The following GRIK1 variants were observed in gnomAD, a reference collection of about 807,000 sequenced individuals.
GRIK1 encodes the protein glutamate receptor ionotropic, kainate 1.
A neutral mutation model predicts 105.7 loss-of-function variants in GRIK1; 69 were observed. The ratio of observed to expected loss-of-function variants is 0.65; its 90% CI spans 0.54 to 0.80. The LOEUF is 0.80. GRIK1 is among the 30% of genes least tolerant of loss of function. The probability of loss-of-function intolerance (pLI) is 0.00; values close to 1 mark genes in which losing one functional copy is unlikely to be tolerated. For synonymous variants in GRIK1, 438 were observed against 431.3 expected (o/e 1.02, Z -0.19); for missense variants, 1,109 against 1,167.3 (o/e 0.95, Z 0.73).
chr21:29,791,566 C>T (rs556923924), intron 1 of GRIK1, among the ~76,000 whole-genome samples: 63 of 152,122 alleles, frequency 4.1e-4, no homozygotes, highest in African/African-American at 1.3e-3. Flanking sequence ...AAATAGTCCA[C>T]GCATGATGTT....
At chr21:29,885,413 G>A (rs982998755) in intron 1 of GRIK1, among the ~76,000 whole-genome samples, 8 of 151,946 alleles carry the variant, frequency 5.3e-5, no homozygotes, top group South Asian at 2.1e-4. Context: ...TTTTCTTAAC[G>A]TAAGAAAAAT....
chr21:29,780,328 C>T (rs2066059790), intron 1 of GRIK1, among the ~76,000 whole-genome samples: 1 of 152,064 alleles, frequency 6.6e-6, no homozygotes, highest in Non-Finnish European at 1.5e-5. Context: ...CTAAATTTAC[C>T]CATCTTGGAC....
At chr21:29,873,158 G>T (rs1215454681) in intron 1 of GRIK1, among the ~76,000 whole-genome samples, 1 of 152,176 alleles carries the variant, frequency 6.6e-6, no homozygotes, top group Non-Finnish European at 1.5e-5. Context: ...CTCATAGTTT[G>T]TTTCCTGAAA....
intron 1 of GRIK1, among the ~76,000 whole-genome samples, chr21:29,811,961 G>A (rs2067021717): frequency 6.6e-6 from 1 of 152,028 alleles, no homozygotes; most frequent in Admixed American, 6.6e-5. Context: ...CTGCTGAAAT[G>A]TCATCTCCCT....
At chr21:29,537,909 A>C (rs747785091) in intron 16 of GRIK1, 25 bp from the exon 17 acceptor site, 16 of 1,060,662 alleles carry the variant, frequency 1.5e-5, no homozygotes, top group Non-Finnish European at 2.3e-5. Flanking sequence ...AGAAAAAAAA[A>C]CAATTTTAAA....
intron 1 of GRIK1, among the ~76,000 whole-genome samples, chr21:29,735,791 G>A (rs2064774850): frequency 6.7e-6 from 1 of 149,936 alleles, no homozygotes; most frequent in African/African-American, 2.5e-5. Flanking sequence ...CAGCTACTTG[G>A]GAGGCTGATC....
chr21:29,560,371 TCC>T (rs2090398850), intron 15 of GRIK1, among the ~76,000 whole-genome samples: 15 of 40,146 alleles, frequency 3.7e-4, no homozygotes, highest in African/African-American at 5.6e-4. Flanking sequence ...CTTTCTTCCT[TCC>T]TTCCTTCCTT....
rs1266471169 is a variant in GRIK1 at position 29,561,703 on chromosome 21, A to G, written c.2277T>C (p.Tyr759=). The part of the protein sequence containing the change: ...ALLMESTSIE[Y]VTQRNCNLTQ... Reference sequence around the variant, plus strand: ...TGAGGTTGCAGTTTCTCTGCGTCACATACTCAATGCTGGTGGACTCCATCA... The same window carrying G: ...TGAGGTTGCAGTTTCTCTGCGTCACGTACTCAATGCTGGTGGACTCCATCA... Residue 759 remains tyrosine (Y), a synonymous_variant, in exon 15 of 18, where the codon TAT becomes TAC. Coordinates refer to ENST00000327783, the MANE Select transcript of GRIK1 (RefSeq NM_001330994.2). The G allele has an allele frequency of 7.4e-6, 12 of 1,614,052 alleles. No individual in the cohort carries two copies. The highest frequency in any genetic ancestry group is 2.2e-5 in the East Asian group (1 of 44,874).
rs1003978976 is a variant in GRIK1 at position 29,544,379 on chromosome 21, G to A, written c.2608-6495C>T. 5.9e-5 allele frequency among the ~76,000 whole-genome samples: 9 copies of A among 152,282 alleles called. No individual in the cohort carries two copies. The South Asian group carries it at 1.7e-3, about 28-fold the overall frequency. On this transcript the variant is annotated intron_variant, in intron 16 of 17. Transcript: ENST00000327783. ...CAGTGCACATTCCTGACAAGTAGGGGATGTGTAAGTTCATCCTCCGCTAAC... is the reference window on the plus strand; with the variant it reads ...CAGTGCACATTCCTGACAAGTAGGGAATGTGTAAGTTCATCCTCCGCTAAC...
At chr21:29,683,164 C>G (rs1411736907) in intron 3 of GRIK1, among the ~76,000 whole-genome samples, 1 of 152,170 alleles carries the variant, frequency 6.6e-6, no homozygotes, top group African/African-American at 2.4e-5. Flanking sequence ...AAAGGGAACA[C>G]TTATACACTG....
intron 16 of GRIK1, among the ~76,000 whole-genome samples, chr21:29,550,107 CAA>C (rs34939329): frequency 3.6e-4 from 19 of 53,482 alleles, no homozygotes; most frequent in African/African-American, 6.8e-4. Flanking sequence ...GACTCCATCT[CAA>C]AAAAAAAAAA....
At chr21:29,859,853 T>C (rs1331517522) in intron 1 of GRIK1, among the ~76,000 whole-genome samples, 1 of 152,234 alleles carries the variant, frequency 6.6e-6, no homozygotes, top group Non-Finnish European at 1.5e-5. Context: ...GCAGGTATTG[T>C]AACTTTTGAG....
chr21:29,596,667 T>C (rs1316980556), intron 8 of GRIK1, 97 bp from the exon 9 acceptor site: 6 of 853,794 alleles, frequency 7.0e-6, no homozygotes, highest in Non-Finnish European at 1.0e-5. Context: ...GCTTAGAGTG[T>C]TACAGTTCCC....
intron 7 of GRIK1, among the ~76,000 whole-genome samples, chr21:29,629,487 T>C (rs77744395): frequency 0.046 from 6,988 of 151,046 alleles, 239 homozygotes; most frequent in Non-Finnish European, 0.071. Flanking sequence ...AAGTTCAATT[T>C]TCTTTCTTTC....
At chr21:29,616,371 T>C (rs1409584038) in intron 7 of GRIK1, among the ~76,000 whole-genome samples, 1 of 152,234 alleles carries the variant, frequency 6.6e-6, no homozygotes, top group Non-Finnish European at 1.5e-5. Context: ...TATCATTCTT[T>C]GACAGGCTTT....
chr21:29,834,820 G>T (rs2067739762), intron 1 of GRIK1, among the ~76,000 whole-genome samples: 1 of 148,808 alleles, frequency 6.7e-6, no homozygotes. Flanking sequence ...TATTAATATT[G>T]AATATTATTT....
chr21:29,630,828 C>T, intron 7 of GRIK1: 1 of 352,010 alleles, frequency 2.8e-6, no homozygotes, highest in South Asian at 2.2e-5. Context: ...CTCTCTTGTT[C>T]TCTCTCTGTC....
At chr21:29,645,742 G>A (rs2146537650) in intron 6 of GRIK1, among the ~76,000 whole-genome samples, 3 of 152,230 alleles carry the variant, frequency 2.0e-5, no homozygotes, top group Middle Eastern at 6.8e-3. Context: ...TAGGTAATAG[G>A]TAATGTAATA....
chr21:29,590,220 G>A (rs1001908347), intron 10 of GRIK1, among the ~76,000 whole-genome samples: 1 of 152,170 alleles, frequency 6.6e-6, no homozygotes, highest in Non-Finnish European at 1.5e-5. Flanking sequence ...GACAGTCATA[G>A]AGAAAGTAGT....
Sources: gnomAD v4.1 joint callset for allele counts (sites outside exome capture counted in the v4.1 genomes callset) on GRCh38, gnomAD v4.1.1 for gene constraint, MANE v1.5 for transcripts, NCBI Gene and HGNC (gene_info 2026-07-23, HGNC 2026-07-21) for gene names.